TMEM132B: variants seen among roughly 807,000 people sequenced by gnomAD.
TMEM132B encodes transmembrane protein 132B.
In TMEM132B, 18 loss-of-function variants were observed where a neutral mutation model predicts 90.8. That is an observed-to-expected ratio of 0.20 (90% CI 0.14 to 0.29). TMEM132B has a LOEUF of 0.29. TMEM132B is among the 10% of genes least tolerant of loss of function. TMEM132B has a pLI of 1.00. For synonymous variants in TMEM132B, 504 were observed against 523.3 expected (o/e 0.96, Z 0.50); for missense variants, 1,096 against 1,326.8 (o/e 0.83, Z 2.70).
intron 5 of TMEM132B, among the ~76,000 whole-genome samples, chr12:125,611,341 T>G (rs1885819745): frequency 6.6e-6 from 1 of 152,188 alleles, no homozygotes; most frequent in Admixed American, 6.5e-5. Flanking sequence ...TTTGTTGATA[T>G]TTTAAAAAAA....
intron 1 of TMEM132B, among the ~76,000 whole-genome samples, chr12:125,259,110 G>A (rs889687570): frequency 6.6e-6 from 1 of 152,160 alleles, no homozygotes; most frequent in Non-Finnish European, 1.5e-5. Context: ...GTGGGAATGA[G>A]TTTAGCTTTC....
chr12:125,604,337 A>G (rs1412103583), intron 5 of TMEM132B, among the ~76,000 whole-genome samples: 2 of 152,148 alleles, frequency 1.3e-5, no homozygotes, highest in Non-Finnish European at 2.9e-5. Flanking sequence ...TCAGTAAACA[A>G]ACACAGGAAC....
intron 1 of TMEM132B, among the ~76,000 whole-genome samples, chr12:125,245,317 T>A (rs1044069762): frequency 2.8e-5 from 4 of 144,268 alleles, no homozygotes; most frequent in South Asian, 2.3e-4. Flanking sequence ...CTTGCTACTC[T>A]GGCCCCCACC....
chr12:125,312,709 T>C lies in TMEM132B; in HGVS notation c.68-36743T>C, dbSNP rs190790838. ...TCTAAAATGTACTCACCGTGAGAGC[T>C]GTTCCTACAGGTTTCACCTTGCAGA... On this transcript the variant is annotated intron_variant, in intron 1 of 8. Coordinates refer to ENST00000682704, the MANE Select transcript of TMEM132B (RefSeq NM_001366854.1). Among the ~76,000 whole-genome samples the C allele has an allele frequency of 3.7e-3, 570 of 152,338 alleles. 1 individual carries two copies. Among genetic ancestry groups the C allele is most frequent in the Non-Finnish European group, 6.1e-3 (418 of 68,038 alleles).
At chr12:125,318,547 G>T (rs1316260227) in intron 1 of TMEM132B, among the ~76,000 whole-genome samples, 1 of 152,066 alleles carries the variant, frequency 6.6e-6, no homozygotes, top group African/African-American at 2.4e-5. Flanking sequence ...CCCAGTGTGT[G>T]TTGTCCCTGA....
rs575093436 is a variant in TMEM132B at position 125,349,056 on chromosome 12, G to C, written c.68-396G>C. ...AATATCAAAGTAATAAGGCACTAACGTGTCACATACAATGGTGCAATGCCT... is the reference window on the plus strand; with the variant it reads ...AATATCAAAGTAATAAGGCACTAACCTGTCACATACAATGGTGCAATGCCT... On this transcript the variant is annotated intron_variant, in intron 1 of 8. Transcript: ENST00000682704. The surrounding 1 kb of genome is among the most constrained non-coding windows in gnomAD (Gnocchi z 4.1). Among the ~76,000 whole-genome samples, 2 of 152,228 alleles carry C rather than the reference G, an allele frequency of 1.3e-5. No homozygotes were observed. The highest frequency in any genetic ancestry group is 3.9e-4 in the East Asian group (2 of 5,190).
intron 6 of TMEM132B, among the ~76,000 whole-genome samples, chr12:125,646,016 G>T (rs10846938): frequency 0.32 from 48,870 of 152,072 alleles, 8,784 homozygotes; most frequent in African/African-American, 0.46. Flanking sequence ...GATGCATGAG[G>T]ATCATTGTAG....
At chr12:125,641,669 G>A (rs1309050300) in intron 5 of TMEM132B, among the ~76,000 whole-genome samples, 1 of 152,176 alleles carries the variant, frequency 6.6e-6, no homozygotes, top group Non-Finnish European at 1.5e-5. Flanking sequence ...GCAGGTTTAA[G>A]ACTGTAGTGC....
At chr12:125,589,417 GC>G (rs1366219828) in intron 5 of TMEM132B, among the ~76,000 whole-genome samples, 1 of 148,498 alleles carries the variant, frequency 6.7e-6, no homozygotes, top group Admixed American at 6.8e-5. Context: ...GGGACGCGGA[GC>G]TTGCAGTGAG....
At chr12:125,255,530 C>T (rs1049663071) in intron 1 of TMEM132B, among the ~76,000 whole-genome samples, 2 of 152,102 alleles carry the variant, frequency 1.3e-5, no homozygotes, top group African/African-American at 4.8e-5. Context: ...CTTTTCGTCT[C>T]CTAAAAATTG....
chr12:125,251,901 AGTTAGGT>A lies in TMEM132B; in HGVS notation c.67+65037_67+65043del, dbSNP rs1342862878. 6.6e-6 allele frequency among the ~76,000 whole-genome samples: 1 copy of A among 152,228 alleles called. No homozygotes were observed. The highest frequency in any genetic ancestry group is 1.5e-5 in the Non-Finnish European group (1 of 68,040). Reference sequence around the variant, plus strand: ...AGAACAATACAGCACTTTAGAACACAGTTAGGTGCCACATCTGGCCTGAAGGCCTTTA... The same window carrying A: ...AGAACAATACAGCACTTTAGAACACAGCCACATCTGGCCTGAAGGCCTTTA... On this transcript the variant is annotated intron_variant, in intron 1 of 8. Transcript: ENST00000682704. This position sits in a 1 kb window ranked among gnomAD's most constrained non-coding sequence, Gnocchi z 4.4.
chr12:125,538,922 G>T lies in TMEM132B; in HGVS notation c.1293+19297G>T, dbSNP rs116597031. Among the ~76,000 whole-genome samples, 666 of 152,226 alleles carry T rather than the reference G, an allele frequency of 4.4e-3. 3 individuals are homozygous for T. Among genetic ancestry groups the T allele is most frequent in the African/African-American group, 0.015 (634 of 41,516 alleles). ...AGCCCATCAGCAAGTCCTAGGATCT[G>T]TAATCTCCAAAATATACCCAGAGTT... On this transcript the variant is annotated intron_variant, in intron 4 of 8. Coordinates refer to ENST00000682704, the MANE Select transcript of TMEM132B (RefSeq NM_001366854.1).
chr12:125,326,475 G>A (rs1876568022), intron 1 of TMEM132B: 1 of 863,978 alleles, frequency 1.2e-6, no homozygotes, highest in South Asian at 1.5e-5. Context: ...TGGAGCACAT[G>A]AGCTCTGACA....
intron 2 of TMEM132B, among the ~76,000 whole-genome samples, chr12:125,391,635 A>G (rs1879022177): frequency 6.6e-6 from 1 of 152,096 alleles, no homozygotes; most frequent in Non-Finnish European, 1.5e-5. Context: ...TGGACAGTGG[A>G]AGTTCTGCTT....
intron 2 of TMEM132B, among the ~76,000 whole-genome samples, chr12:125,363,204 A>T (rs1190658307): frequency 4.6e-5 from 7 of 152,196 alleles, no homozygotes; most frequent in Admixed American, 4.6e-4. Flanking sequence ...AAATAAAGTT[A>T]AAAAATGAAG....
intron 2 of TMEM132B, among the ~76,000 whole-genome samples, chr12:125,359,002 A>G (rs1036694159): frequency 1.3e-5 from 2 of 152,238 alleles, no homozygotes; most frequent in Non-Finnish European, 2.9e-5. Context: ...AGGAGCAAAC[A>G]TAAAAGCCAT....
At chr12:125,447,257 C>A (rs1197584480) in intron 3 of TMEM132B, among the ~76,000 whole-genome samples, 1 of 151,588 alleles carries the variant, frequency 6.6e-6, no homozygotes, top group Non-Finnish European at 1.5e-5. Context: ...CTTGTTTACT[C>A]CTATTCTATT....
At chr12:125,390,031 T>C (rs1381281719) in intron 2 of TMEM132B, among the ~76,000 whole-genome samples, 1 of 152,212 alleles carries the variant, frequency 6.6e-6, no homozygotes, top group Non-Finnish European at 1.5e-5. Flanking sequence ...AAGCTCCATA[T>C]GCTCCTTCCC....
At chr12:125,521,840 G>C (rs1338205662) in intron 4 of TMEM132B, among the ~76,000 whole-genome samples, 1 of 152,196 alleles carries the variant, frequency 6.6e-6, no homozygotes, top group Non-Finnish European at 1.5e-5. Flanking sequence ...ATCTCATTCT[G>C]CTGGCTGAGG....
Sources: gnomAD v4.1 joint callset for allele counts (sites outside exome capture counted in the v4.1 genomes callset) on GRCh38, gnomAD v4.1.1 for gene constraint, Gnocchi (gnomAD v3.1) non-coding constraint, MANE v1.5 for transcripts, NCBI Gene and HGNC (gene_info 2026-07-23, HGNC 2026-07-21) for gene names.